PHF21B: variants seen among roughly 807,000 people sequenced by gnomAD.
PHF21B encodes PHD finger protein 21B, also known as PHD finger protein 4.
PHF21B carries 22 observed loss-of-function variants against 62.2 expected under a neutral mutation model. That is an observed-to-expected ratio of 0.35 (90% CI 0.25 to 0.51). The LOEUF is 0.51. Ranked by LOEUF, PHF21B falls within the 20% of genes least tolerant of loss-of-function variation. The probability of loss-of-function intolerance (pLI) is 0.97; values close to 1 mark genes in which losing one functional copy is unlikely to be tolerated. For missense variants in PHF21B, 701 were observed against 707.9 expected, an observed-to-expected ratio of 0.99 and a Z score of 0.11; for synonymous variants, 341 against 314.7, an observed-to-expected ratio of 1.08 and a Z score of -0.88.
Position 44,930,637 on chromosome 22 carries a change from G to C in PHF21B, c.121-10147C>G, listed in dbSNP as rs2071723178. On this transcript the variant is annotated intron_variant, in intron 2 of 12. Transcript: ENST00000313237. ...AGCACTGGAGGCTACAGCTCCCAAA[G>C]GTGGACAGTGAAGGAGGAGAGGAGG... 5.9e-5 allele frequency among the ~76,000 whole-genome samples: 9 copies of C among 152,322 alleles called. 1 individual carries two copies. In the South Asian group the frequency reaches 1.9e-3, roughly 32 times the overall value.
chr22:44,936,730 G>C (rs1569239710), intron 2 of PHF21B, among the ~76,000 whole-genome samples: 1 of 152,084 alleles, frequency 6.6e-6, no homozygotes, highest in East Asian at 1.9e-4. Context: ...AATTTCACTT[G>C]TTTCTTTTTA....
chr22:44,993,568 T>C (rs906318031), intron 2 of PHF21B, among the ~76,000 whole-genome samples: 4 of 152,222 alleles, frequency 2.6e-5, no homozygotes, highest in Non-Finnish European at 4.4e-5. Flanking sequence ...CAACGTGCAG[T>C]TGACACACAC....
intron 2 of PHF21B, chr22:45,001,239 T>C (rs1296762079): frequency 6.6e-6 from 1 of 152,292 alleles, no homozygotes; most frequent in African/African-American, 2.4e-5. Context: ...TCCTCCGATG[T>C]GTCCTGAAGA....
Position 44,950,234 on chromosome 22 carries a change from C to T in PHF21B, c.121-29744G>A, listed in dbSNP as rs967248522. On this transcript the variant is annotated intron_variant, in intron 2 of 12. Transcript: ENST00000313237. ...ATATGCACAAAAACAAGCATTGTTG[C>T]CTTGTTTTCAACATCGGTAGACTCG... Among the ~76,000 whole-genome samples the T allele has an allele frequency of 2.3e-4, 35 of 152,236 alleles. 1 individual carries two copies.
intron 2 of PHF21B, among the ~76,000 whole-genome samples, chr22:44,945,908 A>G (rs2072059486): frequency 6.6e-6 from 1 of 152,090 alleles, no homozygotes; most frequent in Non-Finnish European, 1.5e-5. Context: ...TCCCCTCCTG[A>G]GGATGACCTC....
intron 2 of PHF21B, among the ~76,000 whole-genome samples, chr22:44,931,646 G>A (rs1031323043): frequency 6.6e-6 from 1 of 151,346 alleles, no homozygotes; most frequent in Non-Finnish European, 1.5e-5. Context: ...ATCTTGGGGG[G>A]GGGGTGTCAA....
intron 2 of PHF21B, among the ~76,000 whole-genome samples, chr22:44,995,819 A>T (rs577884955): frequency 0.061 from 1,491 of 24,514 alleles, 24 homozygotes; most frequent in African/African-American, 0.19. Context: ...CCATCCCCCC[A>T]CGTGATTCGG....
chr22:44,896,517 A>C (rs1162404141), intron 5 of PHF21B, among the ~76,000 whole-genome samples: 1 of 152,246 alleles, frequency 6.6e-6, no homozygotes. Context: ...AATATACTTT[A>C]AAGAGCTAAG....
intron 5 of PHF21B, among the ~76,000 whole-genome samples, chr22:44,901,059 A>T (rs974741845): frequency 6.6e-6 from 1 of 152,270 alleles, no homozygotes; most frequent in African/African-American, 2.4e-5. Flanking sequence ...GTGCACTCAC[A>T]TAGGTGGAAG....
intron 5 of PHF21B, among the ~76,000 whole-genome samples, chr22:44,907,048 G>A (rs1449383664): frequency 7.9e-5 from 12 of 152,210 alleles, no homozygotes; most frequent in Admixed American, 5.9e-4. Context: ...CATGTCACGC[G>A]TTTTAGAGCA....
At chr22:45,006,018 A>G (rs1448508225) in intron 2 of PHF21B, among the ~76,000 whole-genome samples, 1 of 152,124 alleles carries the variant, frequency 6.6e-6, no homozygotes, top group African/African-American at 2.4e-5. Context: ...TAAGCTGCCA[A>G]TCACCACCAA....
chr22:44,914,667 C>G (rs2071403557), intron 4 of PHF21B, among the ~76,000 whole-genome samples: 1 of 152,196 alleles, frequency 6.6e-6, no homozygotes, highest in Non-Finnish European at 1.5e-5. Flanking sequence ...GAATAACATT[C>G]TATTTTTTTT....
chr22:44,991,924 C>G (rs899486658), intron 2 of PHF21B, among the ~76,000 whole-genome samples: 1 of 152,212 alleles, frequency 6.6e-6, no homozygotes, highest in Non-Finnish European at 1.5e-5. Context: ...AATTGTGTAA[C>G]CTAAGAAACA....
chr22:45,008,563 G>A lies in PHF21B; in HGVS notation c.102C>T (p.Ala34=), dbSNP rs976961467. The A allele has an allele frequency of 5.7e-6, 9 of 1,586,530 alleles. No homozygotes were observed. The East Asian group carries it at 9.2e-5, about 16-fold the overall frequency. The change falls in exon 2 of 13, where the codon GCC becomes GCT. Residue 34 remains alanine, a synonymous_variant. Coordinates refer to ENST00000313237, the MANE Select transcript of PHF21B (RefSeq NM_138415.5). The part of the protein sequence containing the change: ...KQLHERQPRI[A]ALSDKQALGT... ...CGCTTACTTGTTTGTCGCTGAGCGC[G>A]GCGATCCGCGGCTGCCTTTCGTGGA...
chr22:44,894,064 C>G (rs1416918326), intron 6 of PHF21B, among the ~76,000 whole-genome samples: 1 of 152,196 alleles, frequency 6.6e-6, no homozygotes, highest in Non-Finnish European at 1.5e-5. Context: ...GCTTTGACCC[C>G]CAGGCAGGAC....
chr22:44,928,142 G>C (rs898560174), intron 2 of PHF21B, among the ~76,000 whole-genome samples: 1 of 152,108 alleles, frequency 6.6e-6, no homozygotes, highest in Non-Finnish European at 1.5e-5. Flanking sequence ...GCTCTGCCAG[G>C]GCAGAGGGGT....
At chr22:44,980,176 T>G (rs2072814041) in intron 2 of PHF21B, among the ~76,000 whole-genome samples, 1 of 150,468 alleles carries the variant, frequency 6.6e-6, no homozygotes, top group African/African-American at 2.5e-5. Context: ...CCACCACCCC[T>G]GCCAAGTTCC....
chr22:44,895,234 C>G (rs868515690), intron 6 of PHF21B, among the ~76,000 whole-genome samples: 1 of 152,136 alleles, frequency 6.6e-6, no homozygotes, highest in Non-Finnish European at 1.5e-5. Context: ...CTTCCCTGGC[C>G]TCAGCTTCCC....
intron 3 of PHF21B, among the ~76,000 whole-genome samples, chr22:44,917,744 C>T (rs932815087): frequency 6.6e-6 from 1 of 152,226 alleles, no homozygotes; most frequent in Non-Finnish European, 1.5e-5. Context: ...CCATCTCCTC[C>T]CACCCTGTGT....
Sources: allele counts gnomAD v4.1 joint callset (sites outside exome capture counted in the v4.1 genomes callset), GRCh38; gene constraint gnomAD v4.1.1; transcripts MANE v1.5; gene names NCBI Gene and HGNC (gene_info 2026-07-23, HGNC 2026-07-21).